The following PVT1 variants were observed in gnomAD, a reference collection of about 807,000 sequenced individuals.
PVT1 encodes Pvt1 oncogene, also known as CXCR4/PVT1 fusion.
intron 2 of PVT1, among the ~76,000 whole-genome samples, chr8:127,886,306 A>T (rs1022780589): frequency 1.3e-5 from 2 of 152,172 alleles, no homozygotes; most frequent in Non-Finnish European, 2.9e-5. Flanking sequence ...GATTTAAAAA[A>T]ATATATATCC....
At chr8:127,798,527 G>C (rs1814424248) in intron 2 of PVT1, among the ~76,000 whole-genome samples, 1 of 151,830 alleles carries the variant, frequency 6.6e-6, no homozygotes. Flanking sequence ...GAAAGTTTGG[G>C]CTGTGGGTGT....
At chr8:127,949,021 T>C (rs1459828652) in intron 3 of PVT1, among the ~76,000 whole-genome samples, 1 of 152,242 alleles carries the variant, frequency 6.6e-6, no homozygotes, top group South Asian at 2.1e-4. Context: ...AGCCAGGGCC[T>C]GTTTAAGCCT....
intron 4 of PVT1, among the ~76,000 whole-genome samples, chr8:128,034,750 A>G (rs2130077026): frequency 6.6e-6 from 1 of 152,264 alleles, no homozygotes; most frequent in Middle Eastern, 3.4e-3. Flanking sequence ...CATATATACA[A>G]TTTATTCCTC....
At chr8:127,890,143 TAAAAAG>T (rs1815582590) in intron 2 of PVT1, among the ~76,000 whole-genome samples, 1 of 152,082 alleles carries the variant, frequency 6.6e-6, no homozygotes, top group Non-Finnish European at 1.5e-5. Flanking sequence ...TGGTTGTCTT[TAAAAAG>T]AAACAAAACA....
intron 4 of PVT1, among the ~76,000 whole-genome samples, chr8:128,055,021 T>G (rs1321938452): frequency 1.3e-5 from 2 of 152,232 alleles, no homozygotes; most frequent in African/African-American, 4.8e-5. Flanking sequence ...GCCTCCAGGA[T>G]GCCTTTGGAT....
chr8:128,006,472 C>T (rs1163661427), intron 4 of PVT1, among the ~76,000 whole-genome samples: 1 of 152,056 alleles, frequency 6.6e-6, no homozygotes, highest in Non-Finnish European at 1.5e-5. Context: ...TGCCAGATTT[C>T]TCTACTGTAA....
At chr8:127,915,381 G>A (rs111468459) in intron 3 of PVT1, among the ~76,000 whole-genome samples, 6,122 of 151,494 alleles carry the variant, frequency 0.04, 413 homozygotes, top group African/African-American at 0.14. Flanking sequence ...AGGCCGAGGC[G>A]GGCGGCAGAT....
intron 2 of PVT1, among the ~76,000 whole-genome samples, chr8:127,878,778 A>G (rs73357023): frequency 0.011 from 1,735 of 152,218 alleles, 38 homozygotes; most frequent in African/African-American, 0.039. Flanking sequence ...AGCGAGAAAT[A>G]CCCACAGCCT....
In PVT1 at chr8:127,998,529, C is replaced by G. The variant is rs1041410223; in HGVS notation, n.912+9238C>G. Among the ~76,000 whole-genome samples the G allele has an allele frequency of 1.0e-4, 10 of 95,806 alleles. No homozygotes were observed. In the Admixed American group the frequency reaches 1.5e-3, roughly 14 times the overall value. 62.9% of individuals were successfully genotyped at this position (95,806 alleles called of 152,430 possible). A position where few individuals can be genotyped will look rare whatever the true frequency, so the allele number is the denominator to read the frequency against. Reference sequence around the variant, plus strand: ...CTTTCTTTCTTCCTTTTCTTTCCTTCTTTCTTTCTCTCTCTCTCTCTCTCT... The same window carrying G: ...CTTTCTTTCTTCCTTTTCTTTCCTTGTTTCTTTCTCTCTCTCTCTCTCTCT... On this transcript the variant is annotated intron_variant and non_coding_transcript_variant, in intron 4 of 10. Coordinates refer to ENST00000651587, the Ensembl canonical transcript of PVT1.
intron 3 of PVT1, among the ~76,000 whole-genome samples, chr8:127,961,372 G>A (rs985888241): frequency 2.6e-5 from 4 of 152,202 alleles, no homozygotes; most frequent in Non-Finnish European, 5.9e-5. Context: ...CGCGGTGCAC[G>A]AAGAGCCTCT....
chr8:127,939,586 G>A (rs1336077442), intron 3 of PVT1: 3 of 152,360 alleles, frequency 2.0e-5, no homozygotes, highest in Non-Finnish European at 4.4e-5. Flanking sequence ...GGTACTTTAA[G>A]TGGAGGCTGA....
At chr8:127,877,174 G>C (rs946368885) in intron 2 of PVT1, among the ~76,000 whole-genome samples, 1 of 152,192 alleles carries the variant, frequency 6.6e-6, no homozygotes, top group African/African-American at 2.4e-5. Flanking sequence ...CCTAGAATGT[G>C]CCCAGATTCT....
intron 5 of PVT1, among the ~76,000 whole-genome samples, chr8:128,076,180 C>CAGAT (rs1255082602): frequency 6.6e-6 from 1 of 152,190 alleles, no homozygotes; most frequent in East Asian, 1.9e-4. Flanking sequence ...TTTCCTTGAG[C>CAGAT]AGATCATTTC....
intron 3 of PVT1, among the ~76,000 whole-genome samples, chr8:127,913,858 A>G (rs1815942158): frequency 6.6e-6 from 1 of 151,864 alleles, no homozygotes; most frequent in East Asian, 1.9e-4. Context: ...TCGCCTGGAC[A>G]TCTCCAGGGG....
chr8:127,884,201 T>C (rs1173101531), intron 2 of PVT1, among the ~76,000 whole-genome samples: 1 of 152,220 alleles, frequency 6.6e-6, no homozygotes, highest in African/African-American at 2.4e-5. Context: ...ACAGATTAGT[T>C]TAACCTGTTT....
intron 5 of PVT1, among the ~76,000 whole-genome samples, chr8:128,096,307 G>A (rs1814428325): frequency 6.6e-6 from 1 of 152,118 alleles, no homozygotes; most frequent in South Asian, 2.1e-4. Flanking sequence ...CTCTTTGATG[G>A]GCAGGGCCCA....
At chr8:127,997,073 A>T (rs1224135426) in intron 4 of PVT1, among the ~76,000 whole-genome samples, 647 of 37,304 alleles carry the variant, frequency 0.017, 4 homozygotes, top group Admixed American at 0.023. Context: ...TTGTTTTTTG[A>T]TACAGAGTTT....
intron 4 of PVT1, among the ~76,000 whole-genome samples, chr8:128,039,680 A>C (rs767086988): frequency 9.2e-5 from 14 of 152,232 alleles, no homozygotes; most frequent in Non-Finnish European, 1.6e-4. Flanking sequence ...AGATGGGACC[A>C]TCGGAAACTT....
intron 4 of PVT1, among the ~76,000 whole-genome samples, chr8:127,992,717 C>G (rs945611584): frequency 6.6e-6 from 1 of 152,232 alleles, no homozygotes; most frequent in African/African-American, 2.4e-5. Flanking sequence ...CCTGGCCCTG[C>G]TCCCTGGATA....
Sources: allele counts gnomAD v4.1 joint callset (sites outside exome capture counted in the v4.1 genomes callset), GRCh38; gene constraint gnomAD v4.1.1; transcripts MANE v1.5; gene names NCBI Gene and HGNC (gene_info 2026-07-23, HGNC 2026-07-21).